The following KALRN variants were observed in gnomAD, a reference collection of about 807,000 sequenced individuals.
KALRN encodes the protein kalirin.
A neutral mutation model predicts 353.7 loss-of-function variants in KALRN; 70 were observed. That is an observed-to-expected ratio of 0.20 (90% CI 0.16 to 0.24). KALRN has a LOEUF of 0.24. Among genes scored for constraint, KALRN ranks in the 10% least tolerant of loss-of-function variants. The pLI is 1.00. For synonymous variants in KALRN, 1,391 were observed against 1,434.8 expected (o/e 0.97, Z 0.69); for missense variants, 2,791 against 3,756.7 (o/e 0.74, Z 6.72).
At chr3:124,225,761 G>T (rs2078417288) in intron 1 of KALRN, among the ~76,000 whole-genome samples, 1 of 152,140 alleles carries the variant, frequency 6.6e-6, no homozygotes, top group Non-Finnish European at 1.5e-5. Flanking sequence ...CCTTCCTTAA[G>T]ATCTTATGGC....
chr3:124,349,313 TG>T (rs1317209183), intron 10 of KALRN, among the ~76,000 whole-genome samples: 1 of 152,148 alleles, frequency 6.6e-6, no homozygotes, highest in African/African-American at 2.4e-5. Flanking sequence ...TGTCAGAGGC[TG>T]GGGGAAGGGA....
chr3:124,151,781 A>G (rs2068140439), intron 1 of KALRN, among the ~76,000 whole-genome samples: 1 of 152,152 alleles, frequency 6.6e-6, no homozygotes, highest in Non-Finnish European at 1.5e-5. Context: ...TGTCTACTGT[A>G]AATATTTCCT....
intron 34 of KALRN, among the ~76,000 whole-genome samples, chr3:124,624,502 G>A (rs909784169): frequency 2.0e-5 from 3 of 152,196 alleles, no homozygotes; most frequent in African/African-American, 7.2e-5. Flanking sequence ...TCATGGATAA[G>A]GGGGAGATTA....
At chr3:124,064,139 G>T (rs1484627194) in intron 1 of KALRN, among the ~76,000 whole-genome samples, 1 of 152,180 alleles carries the variant, frequency 6.6e-6, no homozygotes, top group East Asian at 1.9e-4. Flanking sequence ...AGAATTCAGA[G>T]TCTAGCAGGG....
intron 34 of KALRN, among the ~76,000 whole-genome samples, chr3:124,594,180 A>T (rs2076060860): frequency 6.6e-6 from 1 of 152,116 alleles, no homozygotes. Flanking sequence ...CTGCTTTTAT[A>T]ACTTGCTTTC....
At chr3:124,126,398 CAA>C (rs2149648970) in intron 1 of KALRN, among the ~76,000 whole-genome samples, 1 of 152,182 alleles carries the variant, frequency 6.6e-6, no homozygotes, top group African/African-American at 2.4e-5. Flanking sequence ...GAAATTTTTG[CAA>C]AGTCTGAGCA....
intron 25 of KALRN, among the ~76,000 whole-genome samples, chr3:124,468,292 T>A (rs1259710192): frequency 6.6e-6 from 1 of 152,334 alleles, no homozygotes; most frequent in Admixed American, 6.5e-5. Flanking sequence ...TCCTCTTTTT[T>A]AAAATTCTGG....
At chr3:124,198,910 G>T (rs1040594353) in intron 1 of KALRN, among the ~76,000 whole-genome samples, 1 of 152,212 alleles carries the variant, frequency 6.6e-6, no homozygotes. Context: ...GGATCATGGG[G>T]CCTCAGCCAG....
chr3:124,283,842 G>T (rs541104857), intron 5 of KALRN, among the ~76,000 whole-genome samples: 1 of 152,114 alleles, frequency 6.6e-6, no homozygotes, highest in African/African-American at 2.4e-5. Context: ...ATTTTAGCAT[G>T]AAGTTTCGCA....
In KALRN at chr3:124,194,762, C is replaced by G. The variant is rs191374625; in HGVS notation, c.74-33228C>G. Among the ~76,000 whole-genome samples, 129 of 152,206 alleles carry G rather than the reference C, an allele frequency of 8.5e-4. 1 individual carries two copies. Among genetic ancestry groups the G allele is most frequent in the African/African-American group, 2.9e-3 (120 of 41,552 alleles). On this transcript the variant is annotated intron_variant, in intron 1 of 59. Coordinates refer to ENST00000682506, the MANE Select transcript of KALRN (RefSeq NM_001388419.1). ...GCCCTCTCCCAGTGCTCCTTGTATGCCAGGTACTGCCAGAGCCCTTGGATC... is the reference window on the plus strand; with the variant it reads ...GCCCTCTCCCAGTGCTCCTTGTATGGCAGGTACTGCCAGAGCCCTTGGATC...
rs764993094 is a variant in KALRN at position 124,413,543 on chromosome 3, C to T, written c.2420C>T (p.Thr807Ile). ...AATGACTTCAACACAGAGGACCTAA[C>T]CCTGGCAGAACAGCGGCTGCAGCGC... ...QMNDFNTEDL[T>I]LAEQRLQRHT... Residue 807 changes from threonine (T) to isoleucine (I), a missense_variant, in exon 14 of 60, where the codon ACC becomes ATC. Thr to Ile is a moderately conservative substitution (Grantham distance 89). This residue lies in a region of KALRN where 452 missense variants were observed against 575.8 expected (regional missense o/e 0.78). Transcript: ENST00000682506. 1.2e-6 allele frequency: 2 copies of T among 1,614,126 alleles called. No homozygotes were observed. Among genetic ancestry groups the T allele is most frequent in the South Asian group, 1.1e-5 (1 of 91,078 alleles).
chr3:124,483,934 A>G (rs2062262243), intron 28 of KALRN, among the ~76,000 whole-genome samples: 1 of 152,224 alleles, frequency 6.6e-6, no homozygotes, highest in African/African-American at 2.4e-5. Flanking sequence ...TGACACAAGT[A>G]GTTAAATAAC....
At chr3:124,266,282 G>A (rs1156591187) in intron 4 of KALRN, among the ~76,000 whole-genome samples, 1 of 152,120 alleles carries the variant, frequency 6.6e-6, no homozygotes, top group Non-Finnish European at 1.5e-5. Context: ...TGTTTTTAAA[G>A]TGCATGTATG....
rs902480978 is a variant in KALRN, at chr3:124,519,997, G to A, written c.4935+23584G>A. On this transcript the variant is annotated intron_variant, in intron 33 of 59. Coordinates refer to ENST00000682506, the MANE Select transcript of KALRN (RefSeq NM_001388419.1). ...ATGAGCGTGTGTCCGGCATGATGGC[G>A]GCACCACTGCAATTGCAGCACTAAT... 1.3e-4 allele frequency: 61 copies of A among 454,454 alleles called. No individual in the cohort carries two copies. In the Admixed American group the frequency reaches 2.4e-3, roughly 18 times the overall value. The allele number at this position is 454,454 out of a possible 1,614,324, so 28.2% of individuals were successfully genotyped here. A position where few individuals can be genotyped will look rare whatever the true frequency, so the allele number is the denominator to read the frequency against.
intron 56 of KALRN, among the ~76,000 whole-genome samples, chr3:124,701,197 T>C (rs950597090): frequency 6.6e-6 from 1 of 152,214 alleles, no homozygotes; most frequent in Non-Finnish European, 1.5e-5. Context: ...TTGCTCTGTG[T>C]GCGTGTGTGT....
rs376354686 is a variant in KALRN, at chr3:124,474,690, C to T, written c.4059C>T (p.Tyr1353=). 54 of 1,613,908 alleles carry T rather than the reference C, an allele frequency of 3.3e-5. No individual in the cohort carries two copies. Among genetic ancestry groups the T allele is most frequent in the East Asian group, 1.6e-4 (7 of 44,886 alleles). Residue 1353 remains tyrosine (Y), a synonymous_variant, in exon 26 of 60, where the codon TAC becomes TAT. Transcript: ENST00000682506. ...TCTTCCTCAAAGAGCTGGAGAAGTA[C>T]GAGCAACTGCCTGAGGATGTGGGAC... ...NNIFLKELEK[Y]EQLPEDVGHC...
intron 57 of KALRN, among the ~76,000 whole-genome samples, chr3:124,707,449 C>T (rs1282942124): frequency 6.6e-6 from 1 of 150,780 alleles, no homozygotes; most frequent in African/African-American, 2.5e-5. Flanking sequence ...TTCCTTCCCT[C>T]CTTCCTTCCT....
chr3:124,275,323 A>T (rs574604916), intron 5 of KALRN, among the ~76,000 whole-genome samples: 2 of 152,150 alleles, frequency 1.3e-5, no homozygotes, highest in Non-Finnish European at 1.5e-5. Flanking sequence ...TCCACTAAAT[A>T]AATATCTAAG....
intron 34 of KALRN, among the ~76,000 whole-genome samples, chr3:124,613,387 T>C (rs1022629128): frequency 2.6e-5 from 4 of 152,198 alleles, no homozygotes; most frequent in Non-Finnish European, 5.9e-5. Flanking sequence ...GCTTAGTGGG[T>C]ACATTGGATG....
Sources: allele counts gnomAD v4.1 joint callset (sites outside exome capture counted in the v4.1 genomes callset), GRCh38; gene constraint gnomAD v4.1.1; regional missense constraint gnomAD v4.1.1; transcripts MANE v1.5; gene names NCBI Gene and HGNC (gene_info 2026-07-23, HGNC 2026-07-21).